The following THADA variants were observed in gnomAD, a reference collection of about 807,000 sequenced individuals.
The protein encoded by THADA is tRNA (32-2'-O)-methyltransferase regulator THADA.
THADA carries 213 observed loss-of-function variants against 219.8 expected under a neutral mutation model. That is an observed-to-expected ratio of 0.97 (90% CI 0.87 to 1.09). THADA has a LOEUF of 1.09. Among genes scored for constraint, THADA ranks in the 50% least tolerant of loss-of-function variants. THADA has a pLI of 0.00. For synonymous variants in THADA, 1,018 were observed against 828.9 expected (o/e 1.23, Z -3.92); for missense variants, 2,956 against 2,311.3 (o/e 1.28, Z -5.72).
intron 26 of THADA, among the ~76,000 whole-genome samples, chr2:43,480,214 G>A (rs746079840): frequency 2.0e-5 from 3 of 152,196 alleles, no homozygotes; most frequent in Admixed American, 6.5e-5. Context: ...TGTGAAATGA[G>A]GATGATACTG....
At chr2:43,408,707 T>A (rs559169050) in intron 28 of THADA, among the ~76,000 whole-genome samples, 1 of 152,198 alleles carries the variant, frequency 6.6e-6, no homozygotes, top group African/African-American at 2.4e-5. Context: ...TTAGAGTAAA[T>A]GATCTCCAAA....
At chr2:43,432,459 C>T (rs561970273) in intron 26 of THADA, among the ~76,000 whole-genome samples, 1 of 149,994 alleles carries the variant, frequency 6.7e-6, no homozygotes, top group Non-Finnish European at 1.5e-5. Flanking sequence ...GGGTTCTTTA[C>T]CTTTTTTTTT....
chr2:43,594,107 T>C (rs898860818), intron 1 of THADA, among the ~76,000 whole-genome samples: 1 of 152,090 alleles, frequency 6.6e-6, no homozygotes, highest in Non-Finnish European at 1.5e-5. Flanking sequence ...CTGAATATTT[T>C]CTCTTGGACT....
At chr2:43,433,576 A>G (rs1420620046) in intron 26 of THADA, among the ~76,000 whole-genome samples, 1 of 152,182 alleles carries the variant, frequency 6.6e-6, no homozygotes, top group East Asian at 1.9e-4. Flanking sequence ...GTGCTCATAG[A>G]TGAGAGGATT....
At chr2:43,508,833 A>T in intron 22 of THADA, 53 bp from the exon 23 acceptor site, 1 of 1,571,020 alleles carries the variant, frequency 6.4e-7, no homozygotes, top group Non-Finnish European at 8.7e-7. Flanking sequence ...AGTTAAAAGT[A>T]CAAACTATTG....
chr2:43,417,934 T>C (rs991617480), intron 28 of THADA, among the ~76,000 whole-genome samples: 3 of 152,190 alleles, frequency 2.0e-5, no homozygotes, highest in African/African-American at 4.8e-5. Context: ...TGAGTTAATA[T>C]GTGTAAAGTC....
At chr2:43,574,299 A>C in intron 11 of THADA, 37 bp downstream of exon 11, 1 of 1,404,460 alleles carries the variant, frequency 7.1e-7, no homozygotes, top group Non-Finnish European at 9.5e-7. Context: ...AAGCATCATA[A>C]TTAGAAACTA....
intron 24 of THADA, among the ~76,000 whole-genome samples, chr2:43,501,306 C>CAAAAAAAAAAAAAAAAAAA (rs1558864377): frequency 4.1e-4 from 5 of 12,286 alleles, no homozygotes; most frequent in African/African-American, 1.4e-3. Flanking sequence ...AACTCCAACT[C>CAAAAAAAAAAAAAAAAAAA]CAAAAAAAAA....
At position 43,574,652 on chromosome 2, in the gene THADA, C is replaced by G; in HGVS notation, c.1413G>C (p.Leu471Phe). ...GAGATGGAATAGTTTTATCTATAGC[C>G]AAAATATGTTCAACTCCTATGCACT... ...LVECIGVEHI[L>F]AIDKTIPSQI... Residue 471 changes from leucine (L) to phenylalanine (F), a missense_variant, in exon 11 of 38, where the codon TTG becomes TTC. Physicochemically the swap from Leu to Phe is conservative, Grantham distance 22. Transcript: ENST00000405975. 2 of 1,613,948 alleles carry G rather than the reference C, an allele frequency of 1.2e-6. No individual in the cohort carries two copies. Among genetic ancestry groups the G allele is most frequent in the Non-Finnish European group, 1.7e-6 (2 of 1,179,886 alleles).
intron 21 of THADA, among the ~76,000 whole-genome samples, 187 bp downstream of exon 21, chr2:43,540,972 A>G (rs1025786663): frequency 6.6e-6 from 1 of 152,232 alleles, no homozygotes; most frequent in East Asian, 1.9e-4. Context: ...ATTTCTAAAA[A>G]TGCCACAGTT....
intron 36 of THADA, among the ~76,000 whole-genome samples, chr2:43,264,546 A>G (rs1671311395): frequency 6.6e-6 from 1 of 152,038 alleles, no homozygotes; most frequent in Non-Finnish European, 1.5e-5. Context: ...CTGCCTCCCA[A>G]AGTGCTGGGA....
At chr2:43,247,558 G>A (rs199874833) in intron 36 of THADA, among the ~76,000 whole-genome samples, 24 of 151,746 alleles carry the variant, frequency 1.6e-4, no homozygotes, top group East Asian at 1.6e-3. Flanking sequence ...GTGAAGCCCC[G>A]TCTCTACTAA....
At chr2:43,425,892 A>G (rs924711002) in intron 28 of THADA, among the ~76,000 whole-genome samples, 43 of 152,330 alleles carry the variant, frequency 2.8e-4, no homozygotes, top group African/African-American at 1.0e-3. Context: ...GGGCTTGTCA[A>G]GAGTGATAGA....
At chr2:43,457,627 C>T (rs914455785) in intron 26 of THADA, among the ~76,000 whole-genome samples, 9 of 152,068 alleles carry the variant, frequency 5.9e-5, no homozygotes, top group African/African-American at 1.7e-4. Context: ...TAATTAATTC[C>T]ATTAAACTGG....
intron 29 of THADA, among the ~76,000 whole-genome samples, chr2:43,383,357 A>G (rs1286175972): frequency 6.6e-6 from 1 of 152,214 alleles, no homozygotes; most frequent in Non-Finnish European, 1.5e-5. Context: ...TTGGTAAAAT[A>G]AAGAATTACG....
intron 29 of THADA, among the ~76,000 whole-genome samples, chr2:43,352,181 A>G (rs944531824): frequency 1.3e-5 from 2 of 152,228 alleles, no homozygotes; most frequent in African/African-American, 4.8e-5. Flanking sequence ...TCTTGCTTAT[A>G]TATCTGGATC....
At chr2:43,528,585 C>G (rs1037121032) in intron 21 of THADA, among the ~76,000 whole-genome samples, 3 of 152,036 alleles carry the variant, frequency 2.0e-5, no homozygotes, top group Admixed American at 2.0e-4. Flanking sequence ...GCAATGGAAC[C>G]AGAACATGAA....
At chr2:43,248,216 CAGAGAGAGAG>C (rs1265680923) in intron 36 of THADA, among the ~76,000 whole-genome samples, 1 of 83,196 alleles carries the variant, frequency 1.2e-5, no homozygotes, top group Non-Finnish European at 2.3e-5. Context: ...GAGAGAGAGA[CAGAGAGAGAG>C]AGAGACAGAG....
At chr2:43,381,962 G>C (rs983866672) in intron 29 of THADA, among the ~76,000 whole-genome samples, 1 of 152,044 alleles carries the variant, frequency 6.6e-6, no homozygotes, top group African/African-American at 2.4e-5. Context: ...CACCTCAGTG[G>C]TCTTTCTCCC....
Sources: allele counts gnomAD v4.1 joint callset (sites outside exome capture counted in the v4.1 genomes callset), GRCh38; gene constraint gnomAD v4.1.1; transcripts MANE v1.5; gene names NCBI Gene and HGNC (gene_info 2026-07-23, HGNC 2026-07-21).